SERPINB8: variants seen among roughly 807,000 people sequenced by gnomAD.
SERPINB8 encodes serpin B8.
In SERPINB8, 25 loss-of-function variants were observed where a neutral mutation model predicts 35.3. The observed-to-expected ratio is 0.71, with a 90% CI of 0.52 to 0.99. The LOEUF is 0.99. Ranked by LOEUF, SERPINB8 falls within the 50% of genes least tolerant of loss-of-function variation. SERPINB8 has a pLI of 0.00. For missense variants in SERPINB8, 484 were observed against 446.5 expected (o/e 1.08, Z -0.76); for synonymous variants, 186 against 160.8 (o/e 1.16, Z -1.19).
downstream of SERPINB8, among the ~76,000 whole-genome samples, chr18:64,007,155 G>A (rs2050903719): frequency 6.6e-6 from 1 of 151,920 alleles, no homozygotes; most frequent in Non-Finnish European, 1.5e-5. Flanking sequence ...AATTATAGAT[G>A]CAGCAGAGAT....
In SERPINB8 at chr18:63,986,427, G is replaced by A. The variant is rs1016052460; in HGVS notation, c.721-447G>A. 29 of 1,466,664 alleles carry A rather than the reference G, an allele frequency of 2.0e-5. No individual in the cohort carries two copies. In the Admixed American group the frequency reaches 6.8e-4, roughly 34 times the overall value. The allele number at this position is 1,466,664 out of a possible 1,614,324, so 90.9% of individuals were successfully genotyped here. A position where few individuals can be genotyped will look rare whatever the true frequency, so the allele number is the denominator to read the frequency against. ...AATTCCCTCTCTTTTACTCTGAGTT[G>A]CCCTCTGATTTAACCCTGAATAGTC... is the stretch of plus-strand genomic sequence containing the variant. On this transcript the variant is annotated intron_variant, in intron 6 of 6. Coordinates refer to ENST00000397985, the MANE Select transcript of SERPINB8 (RefSeq NM_002640.4).
intron 1 of SERPINB8, among the ~76,000 whole-genome samples, chr18:64,001,711 C>G (rs1219631716): frequency 6.6e-6 from 1 of 151,980 alleles, no homozygotes; most frequent in Admixed American, 6.6e-5. Context: ...GGTCTCGAAC[C>G]CCTGACCTCA....
chr18:64,014,253 A>G (rs546525844), intron 7 of SERPINB8, among the ~76,000 whole-genome samples: 22 of 152,298 alleles, frequency 1.4e-4, no homozygotes, highest in African/African-American at 5.3e-4. Flanking sequence ...ATGTACCAGG[A>G]TAGGTATGGG....
rs745931042 is a variant in SERPINB8, at chr18:63,978,441, G to A, written c.133G>A (p.Gly45Arg). 5 of 1,614,048 alleles carry A rather than the reference G, an allele frequency of 3.1e-6. No homozygotes were observed. The Admixed American group carries it at 8.3e-5, about 27-fold the overall frequency. ...CTCTGCCCTGGCCATGGTCTTCATG[G>A]GGGCAAAGGGAAGCACTGCAGCCCA... ...ISSALAMVFM[G>R]AKGSTAAQMS... The change falls in exon 2 of 7, where the codon GGG (glycine) becomes AGG (arginine). Residue 45 changes from glycine (G) to arginine (R), a missense_variant. Gly to Arg is a moderately radical substitution (Grantham distance 125). Transcript: ENST00000397985.
At chr18:63,990,139 G>C (rs2050817229), downstream of SERPINB8, among the ~76,000 whole-genome samples, 1 of 142,334 alleles carries the variant, frequency 7.0e-6, no homozygotes, top group Non-Finnish European at 1.5e-5. Flanking sequence ...GCAGGGGCAC[G>C]ATCTCGGCTC....
At chr18:63,979,650 C>A in intron 2 of SERPINB8, 151 bp from the exon 3 acceptor site, 2 of 856,998 alleles carry the variant, frequency 2.3e-6, no homozygotes, top group South Asian at 1.7e-5. Context: ...CTGCATTGCC[C>A]ACGTTGAGAA....
At chr18:64,015,474 G>A (rs1034440494) in intron 7 of SERPINB8, among the ~76,000 whole-genome samples, 6 of 152,234 alleles carry the variant, frequency 3.9e-5, no homozygotes, top group Admixed American at 1.3e-4. Flanking sequence ...TAACAAATCC[G>A]CAGCACAACA....
intron 4 of SERPINB8, 75 bp downstream of exon 4, chr18:63,981,913 A>G: frequency 9.5e-7 from 1 of 1,057,868 alleles, no homozygotes; most frequent in Non-Finnish European, 1.4e-6. Flanking sequence ...GGGACTTCCC[A>G]GGGTGTTGCC....
chr18:63,985,094 A>T lies in SERPINB8; in HGVS notation c.569A>T (p.Glu190Val). The change falls in exon 6 of 7, where the codon GAA becomes GTA. Residue 190 changes from glutamate to valine, a missense_variant and splice_region_variant. Physicochemically the swap from Glu to Val is moderately radical, Grantham distance 121. Coordinates refer to ENST00000397985, the MANE Select transcript of SERPINB8 (RefSeq NM_002640.4). ...ATCGAACTTTAATTTTTCCGTTAGGAAAAAAAGACAGTGCAGATGATGTTT... is the reference window on the plus strand; with the variant it reads ...ATCGAACTTTAATTTTTCCGTTAGGTAAAAAAGACAGTGCAGATGATGTTT... ...TRGMLFKTNE[E>V]KKTVQMMFKE... 1.2e-6 allele frequency: 2 copies of T among 1,610,700 alleles called. No individual in the cohort carries two copies. The highest frequency in any genetic ancestry group is 1.7e-6 in the Non-Finnish European group (2 of 1,178,040).
In SERPINB8 at chr18:63,981,603, G is replaced by A. The variant is rs73484263; in HGVS notation, c.307-118G>A. On this transcript the variant is annotated intron_variant, in intron 3 of 6. Coordinates refer to ENST00000397985, the MANE Select transcript of SERPINB8 (RefSeq NM_002640.4). ...GTTAATTGCACGCATGCACCTTGAA[G>A]TGGAGTGTGACCTGTCCAAGCACTT... The A allele has an allele frequency of 8.6e-3, 6,063 of 704,856 alleles. 240 individuals are homozygous for A. In the African/African-American group the frequency reaches 0.094, roughly 11 times the overall value. 43.7% of individuals were successfully genotyped at this position (704,856 alleles called of 1,614,324 possible).
chr18:63,984,277 T>C (rs2050717029), intron 5 of SERPINB8, among the ~76,000 whole-genome samples: 1 of 152,240 alleles, frequency 6.6e-6, no homozygotes. Context: ...TCTCTGGTCA[T>C]ATGATTTGGA....
chr18:63,974,949 G>C (rs1450208176), intron 1 of SERPINB8, among the ~76,000 whole-genome samples: 1 of 152,090 alleles, frequency 6.6e-6, no homozygotes, highest in Admixed American at 6.5e-5. Flanking sequence ...AATGGAAGTG[G>C]GGACATGAGA....
Position 63,987,285 on chromosome 18 carries a change from GCA to G in SERPINB8, c.*8_*9del. 6.2e-7 allele frequency: 1 copy of G among 1,605,608 alleles called. No homozygotes were observed. The highest frequency in any genetic ancestry group is 8.5e-7 in the Non-Finnish European group (1 of 1,175,032). ...CAGGTTCTCTTCTCCGTAAAGAGGA[GCA>G]ATTGCTGTACATACCCTCCTTTCCT... On this transcript the variant is annotated 3_prime_UTR_variant, in exon 7 of 7. Transcript: ENST00000397985.
intron 7 of SERPINB8, among the ~76,000 whole-genome samples, chr18:64,018,113 A>G (rs2050958985): frequency 1.3e-5 from 2 of 152,218 alleles, no homozygotes; most frequent in South Asian, 2.1e-4. Flanking sequence ...CATATATTCT[A>G]GACAAATGAC....
chr18:63,989,942 CAAAAAAAAAAAAA>C (rs1161052778), downstream of SERPINB8, among the ~76,000 whole-genome samples: 19 of 27,884 alleles, frequency 6.8e-4, no homozygotes, highest in Admixed American at 4.4e-4. Context: ...GACTCTGTCT[CAAAAAAAAAAAAA>C]AAAAAAAAAA....
intron 5 of SERPINB8, among the ~76,000 whole-genome samples, chr18:63,984,518 G>A (rs894179723): frequency 1.3e-5 from 2 of 152,126 alleles, no homozygotes; most frequent in East Asian, 3.8e-4. Flanking sequence ...TTGTTAGCTT[G>A]GGATTTGACA....
intron 7 of SERPINB8, among the ~76,000 whole-genome samples, chr18:64,014,035 G>A (rs1230671975): frequency 6.6e-6 from 1 of 152,146 alleles, no homozygotes; most frequent in Non-Finnish European, 1.5e-5. Context: ...TAAATTTGCA[G>A]TGTCTAAAGG....
intron 1 of SERPINB8, among the ~76,000 whole-genome samples, chr18:64,002,447 C>T (rs2050879932): frequency 6.6e-6 from 1 of 152,196 alleles, no homozygotes; most frequent in African/African-American, 2.4e-5. Flanking sequence ...AGGGTCCCAA[C>T]TTCTCTTGCC....
intron 1 of SERPINB8, among the ~76,000 whole-genome samples, chr18:63,974,762 A>C (rs369542438): frequency 1.3e-5 from 2 of 152,208 alleles, no homozygotes; most frequent in East Asian, 3.9e-4. Flanking sequence ...TTGGAACACC[A>C]GGAAGACAGG....
Sources: gnomAD v4.1 joint callset for allele counts (sites outside exome capture counted in the v4.1 genomes callset) on GRCh38, gnomAD v4.1.1 for gene constraint, MANE v1.5 for transcripts, NCBI Gene and HGNC (gene_info 2026-07-23, HGNC 2026-07-21) for gene names.